Variants in PCDH11Y observed in about 807,000 individuals in gnomAD.
PCDH11Y encodes protocadherin 11 Y-linked.
For synonymous variants in PCDH11Y, 9 were observed against 83.6 expected (o/e 0.11, Z 4.87); for missense variants, 12 against 224.8 (o/e 0.05, Z 6.05).
intron 4 of PCDH11Y, among the ~76,000 whole-genome samples, chrY:5,614,597 C>T (rs2053491105): frequency 3.2e-5 from 1 of 31,511 alleles, no homozygotes; most frequent in African/African-American, 1.3e-4. Context: ...AACACACAGT[C>T]GCAGTCAATT....
chrY:5,634,868 AAT>A (rs2053516542), intron 4 of PCDH11Y, among the ~76,000 whole-genome samples: 1 of 31,329 alleles, frequency 3.2e-5, no homozygotes, highest in African/African-American at 1.3e-4. Context: ...TAGTTAATAA[AAT>A]ATGTTTCCAT....
rs1569345025 is a variant in PCDH11Y, at chrY:5,415,267, C to A, written c.3130-85790C>A. Among the ~76,000 whole-genome samples the A allele has an allele frequency of 1.8e-4, 6 of 33,083 alleles. No homozygotes were observed. In the East Asian group the frequency reaches 4.9e-3, roughly 27 times the overall value. The allele number at this position is 33,083 out of a possible 37,273, so 88.8% of individuals were successfully genotyped here. A position where few individuals can be genotyped will look rare whatever the true frequency, so the allele number is the denominator to read the frequency against. On this transcript the variant is annotated intron_variant, in intron 2 of 4. Coordinates refer to the PCDH11Y transcript ENST00000400457. ...AATGGCACAGTAGGATGTATGTGCA[C>A]TCTTGTGCCAGCAAGTGAAGGAAAG...
intron 4 of PCDH11Y, among the ~76,000 whole-genome samples, chrY:5,611,690 G>T: frequency 3.4e-5 from 1 of 29,780 alleles, no homozygotes; most frequent in African/African-American, 1.3e-4. Flanking sequence ...TTGAGCTGTG[G>T]TGGGCTCCAC....
chrY:5,627,159 A>AT (rs2053507779), intron 4 of PCDH11Y, among the ~76,000 whole-genome samples: 1 of 29,842 alleles, frequency 3.4e-5, no homozygotes, highest in Non-Finnish European at 8.0e-5. Context: ...TACATGACTA[A>AT]TTTTTTTGTA....
intron 2 of PCDH11Y, among the ~76,000 whole-genome samples, chrY:5,137,676 G>A (rs2052842312): frequency 3.1e-5 from 1 of 32,567 alleles, no homozygotes; most frequent in African/African-American, 1.2e-4. Flanking sequence ...AAACAAAAAG[G>A]GACATCATAT....
intron 2 of PCDH11Y, among the ~76,000 whole-genome samples, chrY:5,327,642 G>C (rs2124666836): frequency 6.1e-5 from 2 of 32,535 alleles, no homozygotes; most frequent in Admixed American, 5.6e-4. Flanking sequence ...GGGTTAAGGT[G>C]GGGGGATATG....
chrY:5,372,344 T>C (rs2053188289), intron 2 of PCDH11Y, among the ~76,000 whole-genome samples: 1 of 33,592 alleles, frequency 3.0e-5, no homozygotes, highest in East Asian at 7.8e-4. Context: ...GAAAACGTCT[T>C]CACTGATTTG....
chrY:5,089,598 C>T (rs2563345), intron 1 of PCDH11Y, among the ~76,000 whole-genome samples: 1 of 33,831 alleles, frequency 3.0e-5, no homozygotes, highest in Non-Finnish European at 7.4e-5. Context: ...ATCTCTGACT[C>T]GTTACTGCCA....
At chrY:5,229,862 C>T (rs373368729) in intron 2 of PCDH11Y, among the ~76,000 whole-genome samples, 22 of 32,448 alleles carry the variant, frequency 6.8e-4, no homozygotes, top group African/African-American at 2.4e-3. Flanking sequence ...TCTGGTGATA[C>T]GATTAAGTTT....
At chrY:5,487,359 C>T (rs2053334882) in intron 2 of PCDH11Y, among the ~76,000 whole-genome samples, 1 of 31,375 alleles carries the variant, frequency 3.2e-5, no homozygotes, top group Non-Finnish European at 7.7e-5. Flanking sequence ...CCACCACACC[C>T]GGCTAATTTT....
chrY:5,680,797 T>A, intron 4 of PCDH11Y, among the ~76,000 whole-genome samples: 1 of 32,064 alleles, frequency 3.1e-5, no homozygotes, highest in Non-Finnish European at 7.5e-5. Context: ...CAAAGTCAGA[T>A]GGGACAAAAA....
chrY:5,107,831 G>T (rs2052793416), downstream of PCDH11Y, among the ~76,000 whole-genome samples: 1 of 32,770 alleles, frequency 3.1e-5, no homozygotes, highest in South Asian at 6.7e-4. Context: ...AGGCCGAGGC[G>T]GGTGGATCAC....
intron 2 of PCDH11Y, among the ~76,000 whole-genome samples, chrY:5,230,382 T>C (rs2052966710): frequency 1.2e-4 from 4 of 33,518 alleles, no homozygotes; most frequent in African/African-American, 4.7e-4. Context: ...TTCATTTCTC[T>C]TGCATGTTTG....
At chrY:5,387,229 T>C in intron 2 of PCDH11Y, among the ~76,000 whole-genome samples, 2 of 32,875 alleles carry the variant, frequency 6.1e-5, no homozygotes, top group African/African-American at 2.4e-4. Flanking sequence ...TTTCACCATA[T>C]TGGCTAGGCT....
At chrY:5,428,887 G>A in intron 2 of PCDH11Y, among the ~76,000 whole-genome samples, 2 of 32,540 alleles carry the variant, frequency 6.1e-5, no homozygotes, top group Non-Finnish European at 1.5e-4. Context: ...AACATTGAGC[G>A]GCACAGGGCT....
At chrY:5,332,493 G>T in intron 2 of PCDH11Y, among the ~76,000 whole-genome samples, 1 of 33,907 alleles carries the variant, frequency 2.9e-5, no homozygotes, top group South Asian at 6.3e-4. Flanking sequence ...AAATATCTTT[G>T]TATATAAACA....
At chrY:5,680,578 CAAAG>C in intron 4 of PCDH11Y, among the ~76,000 whole-genome samples, 1 of 33,440 alleles carries the variant, frequency 3.0e-5, no homozygotes, top group South Asian at 6.4e-4. Flanking sequence ...TAAGGAATCT[CAAAG>C]AAATTCAAGA....
intron 2 of PCDH11Y, among the ~76,000 whole-genome samples, chrY:5,183,152 C>T: frequency 3.0e-5 from 1 of 33,331 alleles, no homozygotes; most frequent in Non-Finnish European, 7.4e-5. Flanking sequence ...ATATCCAGAT[C>T]CATGTGTTGC....
chrY:5,374,411 ATGTG>A (rs374854005), intron 2 of PCDH11Y, among the ~76,000 whole-genome samples: 1,250 of 25,828 alleles, frequency 0.048, no homozygotes, highest in Middle Eastern at 0.37. Context: ...CTCTCTCTCT[ATGTG>A]TGTGTGTGTG....
Sources: gnomAD v4.1 joint callset for allele counts (sites outside exome capture counted in the v4.1 genomes callset) on GRCh38, gnomAD v4.1.1 for gene constraint, MANE v1.5 for transcripts, NCBI Gene and HGNC (gene_info 2026-07-23, HGNC 2026-07-21) for gene names.